Variants in SYTL3 observed in about 807,000 individuals in gnomAD.
SYTL3 encodes synaptotagmin-like protein 3.
In SYTL3, 88 loss-of-function variants were observed where a neutral mutation model predicts 82.1. That is an observed-to-expected ratio of 1.07 (90% CI 0.90 to 1.28). The LOEUF (loss-of-function observed/expected upper bound fraction) is 1.28. Ranked by LOEUF, SYTL3 falls within the 50% of genes most tolerant of loss-of-function variation. The pLI is 0.00. For synonymous variants in SYTL3, 311 were observed against 289.4 expected (o/e 1.07, Z -0.76); for missense variants, 831 against 757.6 (o/e 1.10, Z -1.14).
At chr6:158,717,058 G>A (rs1783503985) in intron 9 of SYTL3, among the ~76,000 whole-genome samples, 1 of 152,166 alleles carries the variant, frequency 6.6e-6, no homozygotes, top group East Asian at 1.9e-4. Context: ...AAGGTGGGTG[G>A]ATCTCTTGAG....
At chr6:158,713,469 G>A (rs1190497751) in intron 8 of SYTL3, among the ~76,000 whole-genome samples, 1 of 152,120 alleles carries the variant, frequency 6.6e-6, no homozygotes, top group Non-Finnish European at 1.5e-5. Flanking sequence ...ATTTACTTGA[G>A]TACAGTCTTT....
intron 6 of SYTL3, among the ~76,000 whole-genome samples, chr6:158,699,506 CA>C (rs1277573464): frequency 6.6e-6 from 1 of 152,182 alleles, no homozygotes; most frequent in Non-Finnish European, 1.5e-5. Context: ...ATGCCAGCTT[CA>C]GGGGCAGGAC....
chr6:158,762,215 C>A, intron 16 of SYTL3, 37 bp downstream of exon 16: 2 of 1,455,738 alleles, frequency 1.4e-6, no homozygotes, highest in Non-Finnish European at 1.9e-6. Flanking sequence ...TATTGGTGAT[C>A]TAGTATACAT....
At chr6:158,669,890 C>G (rs1180575728) in intron 5 of SYTL3, among the ~76,000 whole-genome samples, 1 of 152,130 alleles carries the variant, frequency 6.6e-6, no homozygotes, top group South Asian at 2.1e-4. Context: ...TCACATAAGC[C>G]CAGGAGTTTG....
At chr6:158,698,258 G>A (rs1027815255) in intron 6 of SYTL3, among the ~76,000 whole-genome samples, 28 of 151,970 alleles carry the variant, frequency 1.8e-4, no homozygotes, top group Admixed American at 9.8e-4. Context: ...TTAGCTAGAC[G>A]TGGTGGTGGG....
At chr6:158,646,012 T>C (rs1787426002), upstream of SYTL3, among the ~76,000 whole-genome samples, 1 of 152,254 alleles carries the variant, frequency 6.6e-6, no homozygotes. Context: ...TGCTTGTTGA[T>C]GGTGTGTCTC....
intron 1 of SYTL3, among the ~76,000 whole-genome samples, chr6:158,650,283 A>C (rs1425592284): frequency 1.3e-5 from 2 of 152,226 alleles, no homozygotes; most frequent in Non-Finnish European, 2.9e-5. Flanking sequence ...TAATGATTTA[A>C]GTGATATGGT....
intron 8 of SYTL3, among the ~76,000 whole-genome samples, chr6:158,713,279 G>T (rs925527811): frequency 6.6e-6 from 1 of 152,164 alleles, no homozygotes; most frequent in Non-Finnish European, 1.5e-5. Flanking sequence ...GGATAAGGAA[G>T]TGAACTCCTT....
intron 5 of SYTL3, 49 bp from the exon 6 acceptor site, chr6:158,682,876 C>T (rs1299001954): frequency 9.8e-6 from 14 of 1,424,726 alleles, no homozygotes; most frequent in East Asian, 9.1e-5. Context: ...AAATATAGCA[C>T]TATTCATATC....
chr6:158,746,432 A>C (rs1583461087), intron 12 of SYTL3, among the ~76,000 whole-genome samples: 2 of 144,892 alleles, frequency 1.4e-5, no homozygotes, highest in Non-Finnish European at 3.0e-5. Flanking sequence ...GAAAAGGTGT[A>C]GCACCATTAT....
chr6:158,755,837 G>T (rs945314655), intron 13 of SYTL3, among the ~76,000 whole-genome samples: 4 of 152,208 alleles, frequency 2.6e-5, no homozygotes, highest in Non-Finnish European at 5.9e-5. Flanking sequence ...GGCAGCATGG[G>T]CCACAGAGGT....
At chr6:158,686,446 A>G (rs894155200) in intron 6 of SYTL3, among the ~76,000 whole-genome samples, 19 of 152,150 alleles carry the variant, frequency 1.2e-4, no homozygotes, top group African/African-American at 4.6e-4. Context: ...GGTAAGAGGC[A>G]TGGAACTATG....
In SYTL3 at chr6:158,723,587, C is replaced by T. The variant is rs151121520; in HGVS notation, c.721-1916C>T. Among the ~76,000 whole-genome samples the T allele has an allele frequency of 3.7e-3, 568 of 152,136 alleles. 1 individual carries two copies. Among genetic ancestry groups the T allele is most frequent in the Admixed American group, 5.1e-3 (78 of 15,270 alleles). ...TCTGTGCCGTTTTAAGTGTATAGTTCGCGGCATTGAAAACATTGCTAATGT... is the reference window on the plus strand; with the variant it reads ...TCTGTGCCGTTTTAAGTGTATAGTTTGCGGCATTGAAAACATTGCTAATGT... On this transcript the variant is annotated intron_variant, in intron 10 of 17. Transcript: ENST00000611299.
At chr6:158,707,207 C>A (rs750153707) in intron 6 of SYTL3, 23 bp from the exon 7 acceptor site, 6 of 1,612,592 alleles carry the variant, frequency 3.7e-6, no homozygotes, top group Admixed American at 1.7e-5. Context: ...ATAATAAACG[C>A]CCTCTATGGA....
At chr6:158,659,811 GT>G (rs1789142544) in intron 2 of SYTL3, among the ~76,000 whole-genome samples, 1 of 152,212 alleles carries the variant, frequency 6.6e-6, no homozygotes, top group Non-Finnish European at 1.5e-5. Context: ...AGTGGTCACT[GT>G]TTTACTTCCT....
chr6:158,762,909 TC>T (rs1790177895), intron 16 of SYTL3, among the ~76,000 whole-genome samples: 1 of 152,060 alleles, frequency 6.6e-6, no homozygotes, highest in Non-Finnish European at 1.5e-5. Context: ...AGAACAAAAC[TC>T]CGTCTCAAAA....
At chr6:158,755,027 T>C (rs1366354625) in intron 13 of SYTL3, among the ~76,000 whole-genome samples, 1 of 151,810 alleles carries the variant, frequency 6.6e-6, no homozygotes, top group Admixed American at 6.6e-5. Context: ...TAGACAGAGA[T>C]TGAATGTGGG....
At chr6:158,690,918 T>C (rs1779794197) in intron 6 of SYTL3, among the ~76,000 whole-genome samples, 1 of 152,142 alleles carries the variant, frequency 6.6e-6, no homozygotes, top group African/African-American at 2.4e-5. Context: ...CCACGGGCAT[T>C]TGGCAATCCG....
In SYTL3 at chr6:158,758,424, G is replaced by A. The variant is rs1170661763; in HGVS notation, c.1308+1043G>A. On this transcript the variant is annotated intron_variant, in intron 14 of 17. Coordinates refer to ENST00000611299, the MANE Select transcript of SYTL3 (RefSeq NM_001242394.2). ...CTGCACTTCAGCCTGGCAACAGAGC[G>A]AGACTCTGTCTCAAAAAAAAAAAAA... Among the ~76,000 whole-genome samples the A allele has an allele frequency of 1.0e-4, 12 of 119,204 alleles. No homozygotes were observed. In the South Asian group the frequency reaches 1.2e-3, roughly 12 times the overall value. 78.2% of individuals were successfully genotyped at this position (119,204 alleles called of 152,430 possible). A position where few individuals can be genotyped will look rare whatever the true frequency, so the allele number is the denominator to read the frequency against.
Sources: gnomAD v4.1 joint callset for allele counts (sites outside exome capture counted in the v4.1 genomes callset) on GRCh38, gnomAD v4.1.1 for gene constraint, MANE v1.5 for transcripts, NCBI Gene and HGNC (gene_info 2026-07-23, HGNC 2026-07-21) for gene names.